SLC16A10: variants seen among roughly 807,000 people sequenced by gnomAD.
SLC16A10 encodes the protein solute carrier family 16 member 10.
A neutral mutation model predicts 40.0 loss-of-function variants in SLC16A10; 27 were observed. That is an observed-to-expected ratio of 0.67 (90% confidence interval 0.50 to 0.93). SLC16A10 has a LOEUF of 0.93. Among genes scored for constraint, SLC16A10 ranks in the 40% least tolerant of loss-of-function variants. The pLI, the probability that SLC16A10 is intolerant of heterozygous loss-of-function variation, is 0.00. For synonymous variants in SLC16A10, 213 were observed against 249.8 expected (o/e 0.85, Z 1.39); for missense variants, 529 against 658.2 (o/e 0.80, Z 2.15).
At position 111,214,150 on chromosome 6, in the gene SLC16A10, C is replaced by G. The variant is rs1773385925; in HGVS notation, c.1087-4664C>G. Among the ~76,000 whole-genome samples the G allele has an allele frequency of 1.3e-5, 2 of 152,132 alleles. 1 individual carries two copies. The highest frequency in any genetic ancestry group is 2.9e-5 in the Non-Finnish European group (2 of 68,038). ...TCATAGAAGGTTAATACTTCTATAG[C>G]CTGTACTATTATAACAAGTATTATA... On this transcript the variant is annotated intron_variant, in intron 4 of 5. Coordinates refer to ENST00000368851, the MANE Select transcript of SLC16A10 (RefSeq NM_018593.5).
At chr6:111,136,849 A>G (rs181203091) in intron 1 of SLC16A10, among the ~76,000 whole-genome samples, 23 of 152,352 alleles carry the variant, frequency 1.5e-4, no homozygotes, top group African/African-American at 5.3e-4. Context: ...CTCAGGCACT[A>G]GAATTAGGAG....
At chr6:111,149,250 A>G (rs960729801) in intron 1 of SLC16A10, among the ~76,000 whole-genome samples, 4 of 152,186 alleles carry the variant, frequency 2.6e-5, no homozygotes, top group African/African-American at 9.6e-5. Context: ...AGGAGAAACT[A>G]TGTTCTGCAT....
chr6:111,145,480 G>C (rs766851657), intron 1 of SLC16A10, among the ~76,000 whole-genome samples: 2 of 152,178 alleles, frequency 1.3e-5, no homozygotes, highest in Non-Finnish European at 1.5e-5. Flanking sequence ...ACAATTAAGT[G>C]GGGGAAGAAT....
chr6:111,088,654 C>G (rs1562392749), intron 1 of SLC16A10, among the ~76,000 whole-genome samples: 1 of 152,160 alleles, frequency 6.6e-6, no homozygotes, highest in African/African-American at 2.4e-5. Context: ...TCCCGTCCCC[C>G]CGCCTTTTTT....
intron 3 of SLC16A10, among the ~76,000 whole-genome samples, chr6:111,180,617 T>C (rs1772772548): frequency 6.6e-6 from 1 of 152,102 alleles, no homozygotes; most frequent in Non-Finnish European, 1.5e-5. Context: ...TGTCTCCTCC[T>C]CCTAGTGGCA....
intron 3 of SLC16A10, among the ~76,000 whole-genome samples, chr6:111,196,402 G>A (rs1039104601): frequency 1.3e-5 from 2 of 152,148 alleles, no homozygotes; most frequent in African/African-American, 4.8e-5. Context: ...CATGGTCCCA[G>A]CTACTTAGGG....
intron 5 of SLC16A10, among the ~76,000 whole-genome samples, chr6:111,219,964 G>A (rs1374932588): frequency 6.6e-6 from 1 of 152,090 alleles, no homozygotes; most frequent in Non-Finnish European, 1.5e-5. Context: ...ACTAATATTA[G>A]TGTAGTCCCA....
intron 1 of SLC16A10, among the ~76,000 whole-genome samples, chr6:111,169,708 T>C (rs1772546613): frequency 6.6e-6 from 1 of 152,220 alleles, no homozygotes; most frequent in Non-Finnish European, 1.5e-5. Flanking sequence ...CCTGTTGAAG[T>C]GTTCATCTAG....
chr6:111,199,807 G>T (rs1562431050), intron 3 of SLC16A10, among the ~76,000 whole-genome samples: 1 of 135,612 alleles, frequency 7.4e-6, no homozygotes, highest in Admixed American at 7.9e-5. Flanking sequence ...TATTTGTTTT[G>T]TTTGTAATCC....
At chr6:111,216,559 C>T (rs1222407378) in intron 4 of SLC16A10, among the ~76,000 whole-genome samples, 1 of 139,060 alleles carries the variant, frequency 7.2e-6, no homozygotes, top group African/African-American at 2.7e-5. Context: ...CCCACCACCA[C>T]GCCCGGCTAA....
At chr6:111,206,812 T>A in intron 4 of SLC16A10, 77 bp downstream of exon 4, 1 of 1,512,768 alleles carries the variant, frequency 6.6e-7, no homozygotes, top group Non-Finnish European at 8.9e-7. Flanking sequence ...ACTTACATGC[T>A]TAAATTCTTT....
rs1770949505 is a variant in SLC16A10 at position 111,224,116 on chromosome 6, T to G, written c.*1881T>G. 1 of 150,480 alleles carries G rather than the reference T, an allele frequency of 6.6e-6. No homozygotes were observed. The allele number at this position is 150,480 out of a possible 1,614,324, so 9.3% of individuals were successfully genotyped here. ...TTAGCCAGGCATGATGGTGCCCACC[T>G]GTAGCCCCAGCTACTCAGAGGCTGA... is the stretch of plus-strand genomic sequence containing the variant. On this transcript the variant is annotated 3_prime_UTR_variant, in exon 6 of 6. Transcript: ENST00000368851.
chr6:111,221,294 T>TA (rs1483305819), intron 5 of SLC16A10, among the ~76,000 whole-genome samples: 1 of 152,220 alleles, frequency 6.6e-6, no homozygotes, highest in East Asian at 1.9e-4. Context: ...CTTATATACT[T>TA]ACATTTTCTT....
chr6:111,219,063 G>C (rs369635690), intron 5 of SLC16A10, 21 bp downstream of exon 5: 7 of 1,581,630 alleles, frequency 4.4e-6, no homozygotes, highest in Non-Finnish European at 5.2e-6. Context: ...TGATTCTCCA[G>C]TAGTTATATT....
chr6:111,120,737 A>C (rs1200722878), intron 1 of SLC16A10, among the ~76,000 whole-genome samples: 1 of 152,196 alleles, frequency 6.6e-6, no homozygotes, highest in Non-Finnish European at 1.5e-5. Flanking sequence ...AGAGAACATC[A>C]TATCATAGTG....
At chr6:111,159,122 TG>T (rs1772326903) in intron 1 of SLC16A10, among the ~76,000 whole-genome samples, 1 of 145,632 alleles carries the variant, frequency 6.9e-6, no homozygotes, top group African/African-American at 2.5e-5. Flanking sequence ...GGCCCAGCTG[TG>T]GTCCCGTGTA....
At chr6:111,137,714 T>C (rs1005983446) in intron 1 of SLC16A10, among the ~76,000 whole-genome samples, 6 of 152,206 alleles carry the variant, frequency 3.9e-5, no homozygotes, top group Admixed American at 3.3e-4. Flanking sequence ...ACCTCCCCAA[T>C]AGTACTTGGG....
intron 3 of SLC16A10, among the ~76,000 whole-genome samples, chr6:111,189,807 C>T (rs950357075): frequency 6.6e-6 from 1 of 152,188 alleles, no homozygotes; most frequent in African/African-American, 2.4e-5. Flanking sequence ...TACCTCCCAC[C>T]AGCTTGCTCC....
intron 3 of SLC16A10, among the ~76,000 whole-genome samples, chr6:111,190,726 T>G (rs771700207): frequency 3.3e-5 from 5 of 152,214 alleles, no homozygotes; most frequent in Admixed American, 6.5e-5. Context: ...CTTAGCCCCT[T>G]TTAGCCATGG....
Sources: allele counts gnomAD v4.1 joint callset (sites outside exome capture counted in the v4.1 genomes callset), GRCh38; gene constraint gnomAD v4.1.1; transcripts MANE v1.5; gene names NCBI Gene and HGNC (gene_info 2026-07-23, HGNC 2026-07-21).